DUSP16: variants seen among roughly 807,000 people sequenced by gnomAD.
DUSP16 encodes the protein dual specificity phosphatase 16, also known as dual specificity protein phosphatase 16.
Under a neutral mutation model 58.3 loss-of-function variants are expected in DUSP16, and 21 were observed. That is an observed-to-expected ratio of 0.36 (90% CI 0.26 to 0.52). The LOEUF is 0.52. Among genes scored for constraint, DUSP16 ranks in the 20% least tolerant of loss-of-function variants. The pLI, the probability that DUSP16 is intolerant of heterozygous loss-of-function variation, is 0.94. For synonymous variants in DUSP16, 320 were observed against 323.8 expected (o/e 0.99, Z 0.12); for missense variants, 726 against 819.0 (o/e 0.89, Z 1.39).
chr12:12,507,963 C>T (rs1213201936), intron 3 of DUSP16, among the ~76,000 whole-genome samples: 1 of 152,182 alleles, frequency 6.6e-6, no homozygotes, highest in African/African-American at 2.4e-5. Flanking sequence ...AACAAAACTC[C>T]CTTTTTGTAA....
intron 4 of DUSP16, among the ~76,000 whole-genome samples, chr12:12,488,994 C>T (rs927114556): frequency 5.9e-5 from 9 of 152,138 alleles, no homozygotes; most frequent in Non-Finnish European, 1.2e-4. Context: ...GCAGAAGAAT[C>T]GCTTGAACTC....
chr12:12,527,190 T>C (rs1237279837), intron 1 of DUSP16, among the ~76,000 whole-genome samples: 1 of 152,162 alleles, frequency 6.6e-6, no homozygotes, highest in Non-Finnish European at 1.5e-5. Context: ...CTTAAATTTT[T>C]TCCCTCCAAC....
At chr12:12,485,160 C>G (rs1261421150) in intron 5 of DUSP16, among the ~76,000 whole-genome samples, 2 of 151,890 alleles carry the variant, frequency 1.3e-5, no homozygotes. Context: ...CAGGCATGTG[C>G]CACTACGCCC....
intron 3 of DUSP16, 64 bp from the exon 4 acceptor site, chr12:12,500,746 T>G: frequency 2.1e-6 from 3 of 1,411,608 alleles, no homozygotes; most frequent in Non-Finnish European, 1.9e-6. Context: ...ACCAGCTTTC[T>G]GTGAACTGCT....
At chr12:12,560,359 C>T (rs750284512) in intron 1 of DUSP16, among the ~76,000 whole-genome samples, 22 of 152,070 alleles carry the variant, frequency 1.4e-4, no homozygotes, top group African/African-American at 5.1e-4. Flanking sequence ...AAATTCATTT[C>T]TAATTTTTCC....
intron 4 of DUSP16, among the ~76,000 whole-genome samples, chr12:12,493,426 T>C (rs756423527): frequency 6.6e-6 from 1 of 152,186 alleles, no homozygotes; most frequent in Non-Finnish European, 1.5e-5. Context: ...CAGGCTATTT[T>C]CAACACAGAA....
chr12:12,491,045 AGCAG>A (rs1443293439), intron 4 of DUSP16, among the ~76,000 whole-genome samples: 3 of 152,392 alleles, frequency 2.0e-5, no homozygotes, highest in South Asian at 4.1e-4. Context: ...CCACTCATGC[AGCAG>A]GCATTCACCT....
chr12:12,555,134 G>C (rs1944788667), intron 1 of DUSP16, among the ~76,000 whole-genome samples: 1 of 152,210 alleles, frequency 6.6e-6, no homozygotes, highest in Non-Finnish European at 1.5e-5. Flanking sequence ...AGCTGCTCGG[G>C]AAGAGAAGGA....
chr12:12,501,654 AAGG>A (rs1943912502), intron 3 of DUSP16, among the ~76,000 whole-genome samples: 1 of 152,218 alleles, frequency 6.6e-6, no homozygotes, highest in African/African-American at 2.4e-5. Flanking sequence ...AGTCCGAATC[AAGG>A]AGATTTGGAT....
chr12:12,526,184 TAAAG>T (rs1361501043), intron 1 of DUSP16, among the ~76,000 whole-genome samples: 1 of 152,232 alleles, frequency 6.6e-6, no homozygotes, highest in African/African-American at 2.4e-5. Context: ...GCAAATCTCC[TAAAG>T]AAATACCATT....
chr12:12,537,562 T>G (rs569426664), intron 1 of DUSP16, among the ~76,000 whole-genome samples: 2 of 152,224 alleles, frequency 1.3e-5, no homozygotes, highest in African/African-American at 4.8e-5. Context: ...ACCATAGAAC[T>G]GTCTATTAAG....
intron 1 of DUSP16, among the ~76,000 whole-genome samples, chr12:12,539,045 T>G (rs975941639): frequency 6.6e-6 from 1 of 152,082 alleles, no homozygotes; most frequent in African/African-American, 2.4e-5. Flanking sequence ...AATCAGAATC[T>G]CTGAGGAATG....
At chr12:12,527,960 C>CT (rs1944328933) in intron 1 of DUSP16, among the ~76,000 whole-genome samples, 1 of 152,236 alleles carries the variant, frequency 6.6e-6, no homozygotes, top group Non-Finnish European at 1.5e-5. Context: ...CCTATAATGC[C>CT]TGCGCTTTTA....
At chr12:12,535,442 G>C (rs1420969366) in intron 1 of DUSP16, among the ~76,000 whole-genome samples, 1 of 151,984 alleles carries the variant, frequency 6.6e-6, no homozygotes, top group African/African-American at 2.4e-5. Flanking sequence ...TCTTTTTTAA[G>C]AGGTTATTCT....
chr12:12,518,925 C>T (rs1374743307), intron 3 of DUSP16, among the ~76,000 whole-genome samples: 3 of 152,278 alleles, frequency 2.0e-5, no homozygotes, highest in East Asian at 3.9e-4. Flanking sequence ...CTTATCTAAA[C>T]CTGCCCAGAG....
At chr12:12,519,283 CTTTTT>C (rs1041192567) in intron 3 of DUSP16, among the ~76,000 whole-genome samples, 2 of 152,056 alleles carry the variant, frequency 1.3e-5, no homozygotes, top group South Asian at 4.1e-4. Flanking sequence ...TACGTTGAGA[CTTTTT>C]TTTAATTATA....
chr12:12,518,655 C>A (rs898069641), intron 3 of DUSP16, among the ~76,000 whole-genome samples: 2 of 152,140 alleles, frequency 1.3e-5, no homozygotes, highest in South Asian at 4.1e-4. Context: ...ATAGCTGTTA[C>A]ATTTAACACA....
intron 1 of DUSP16, among the ~76,000 whole-genome samples, chr12:12,533,168 C>T (rs1319494558): frequency 2.0e-5 from 3 of 152,126 alleles, no homozygotes; most frequent in East Asian, 3.8e-4. Flanking sequence ...TCTTATAATA[C>T]AAAAGTTTAT....
intron 1 of DUSP16, among the ~76,000 whole-genome samples, chr12:12,551,392 G>A (rs556956030): frequency 1.3e-5 from 2 of 150,524 alleles, no homozygotes; most frequent in South Asian, 4.2e-4. Flanking sequence ...ATCTGAGCTA[G>A]GCAGAGGTTG....
Sources: gnomAD v4.1 joint callset for allele counts (sites outside exome capture counted in the v4.1 genomes callset) on GRCh38, gnomAD v4.1.1 for gene constraint, MANE v1.5 for transcripts, NCBI Gene and HGNC (gene_info 2026-07-23, HGNC 2026-07-21) for gene names.